The following FRMD4A variants were observed in gnomAD, a reference collection of about 807,000 sequenced individuals.
FRMD4A encodes FERM domain-containing protein 4A.
Under a neutral mutation model 129.1 loss-of-function variants are expected in FRMD4A, and 29 were observed. That is an observed-to-expected ratio of 0.22 (90% confidence interval 0.17 to 0.31). FRMD4A has a LOEUF of 0.31. Among genes scored for constraint, FRMD4A ranks in the 10% least tolerant of loss-of-function variants. FRMD4A has a pLI of 1.00. For missense variants in FRMD4A, 1,272 were observed against 1,375.8 expected (o/e 0.92, Z 1.19); for synonymous variants, 634 against 571.6 (o/e 1.11, Z -1.56).
intron 2 of FRMD4A, among the ~76,000 whole-genome samples, chr10:14,158,188 A>T (rs1263625759): frequency 6.6e-6 from 1 of 152,118 alleles, no homozygotes; most frequent in Non-Finnish European, 1.5e-5. Flanking sequence ...GAATTTGGAG[A>T]AGAAAAATTG....
At chr10:13,732,517 C>T (rs914274277) in intron 12 of FRMD4A, among the ~76,000 whole-genome samples, 4 of 152,170 alleles carry the variant, frequency 2.6e-5, no homozygotes, top group Non-Finnish European at 5.9e-5. Flanking sequence ...AACATGGGCT[C>T]TTCTTGTGTT....
At chr10:14,244,908 G>T (rs1432083633) in intron 2 of FRMD4A, among the ~76,000 whole-genome samples, 2 of 152,168 alleles carry the variant, frequency 1.3e-5, no homozygotes, top group Non-Finnish European at 2.9e-5. Flanking sequence ...TGGCTATAAT[G>T]CTCTTTCTCC....
At chr10:14,248,479 C>T (rs1226673663) in intron 2 of FRMD4A, among the ~76,000 whole-genome samples, 1 of 20,504 alleles carries the variant, frequency 4.9e-5, no homozygotes, top group Non-Finnish European at 3.7e-4. Context: ...TCATTCAATT[C>T]ATTTTTTACA....
chr10:14,080,160 A>T (rs551454502), intron 2 of FRMD4A, among the ~76,000 whole-genome samples: 33 of 152,302 alleles, frequency 2.2e-4, no homozygotes, highest in African/African-American at 7.9e-4. Flanking sequence ...CTGGCAGCAC[A>T]TGAAGCCACA....
intron 18 of FRMD4A, among the ~76,000 whole-genome samples, chr10:13,663,983 A>G (rs552656650): frequency 3.9e-5 from 6 of 152,390 alleles, no homozygotes; most frequent in African/African-American, 1.4e-4. Context: ...TCATTAGTAG[A>G]GAAAACAAGC....
chr10:14,288,441 C>T (rs188733328), intron 2 of FRMD4A, among the ~76,000 whole-genome samples: 61 of 152,134 alleles, frequency 4.0e-4, no homozygotes, highest in African/African-American at 1.3e-3. Flanking sequence ...AGACTTACCA[C>T]GGTCTAAAGA....
chr10:13,971,966 C>T lies in FRMD4A; in HGVS notation c.46-113054G>A, dbSNP rs1045455142. On this transcript the variant is annotated intron_variant, in intron 2 of 24. Transcript: ENST00000357447. ...TGACTCTCCTCCCCCTACCTACCCT[C>T]ACCACCACCCTCACTAATCCTCAGA... 5 of 1,197,044 alleles carry T rather than the reference C, an allele frequency of 4.2e-6. No individual in the cohort carries two copies. The East Asian group carries it at 2.3e-4, about 56-fold the overall frequency. The allele number at this position is 1,197,044 out of a possible 1,614,324, so 74.2% of individuals were successfully genotyped here. A position where few individuals can be genotyped will look rare whatever the true frequency, so the allele number is the denominator to read the frequency against.
chr10:14,221,395 A>T (rs1843255139), intron 2 of FRMD4A, among the ~76,000 whole-genome samples: 1 of 152,166 alleles, frequency 6.6e-6, no homozygotes, highest in Non-Finnish European at 1.5e-5. Context: ...GAATCAAGAA[A>T]ATTCAGCTCA....
rs1409213554 is a variant in FRMD4A at position 14,235,274 on chromosome 10, C to A, written c.45+94784G>T. On this transcript the variant is annotated intron_variant, in intron 2 of 24. Coordinates refer to ENST00000357447, the MANE Select transcript of FRMD4A (RefSeq NM_018027.5). ...ACGCCATTCTCCGGCCTCAGCCTCC[C>A]GAGCAGCTGAGTCCCTGGTGCCCGC... Among the ~76,000 whole-genome samples the A allele has an allele frequency of 1.1e-4, 14 of 129,834 alleles. 2 individuals are homozygous for A. The highest frequency in any genetic ancestry group is 7.9e-4 in the Admixed American group (10 of 12,606). The allele number at this position is 129,834 out of a possible 152,430, so 85.2% of individuals were successfully genotyped here.
At chr10:13,667,738 A>G (rs2083175899) in intron 17 of FRMD4A, 1 of 152,224 alleles carries the variant, frequency 6.6e-6, no homozygotes, top group African/African-American at 2.4e-5. Context: ...CTAGCTCTAA[A>G]CAGCACCTTG....
At chr10:13,811,290 CTTT>C (rs1251736240) in intron 3 of FRMD4A, among the ~76,000 whole-genome samples, 8 of 126,338 alleles carry the variant, frequency 6.3e-5, no homozygotes, top group Non-Finnish European at 8.6e-5. Context: ...CCACGCATGG[CTTT>C]TTTTTTTTTT....
At chr10:13,795,790 C>T (rs1031470350) in intron 5 of FRMD4A, among the ~76,000 whole-genome samples, 1 of 152,192 alleles carries the variant, frequency 6.6e-6, no homozygotes, top group Non-Finnish European at 1.5e-5. Context: ...GACTTTGCCC[C>T]TGAACCCCTG....
chr10:13,826,868 A>C (rs2093708551), intron 3 of FRMD4A, among the ~76,000 whole-genome samples: 1 of 152,212 alleles, frequency 6.6e-6, no homozygotes, highest in East Asian at 1.9e-4. Flanking sequence ...GCAAGGATGT[A>C]AAAGCCACAC....
intron 6 of FRMD4A, among the ~76,000 whole-genome samples, chr10:13,780,380 G>T (rs79364567): frequency 2.0e-5 from 3 of 151,672 alleles, no homozygotes; most frequent in Non-Finnish European, 4.4e-5. Flanking sequence ...GTGATATTCC[G>T]CAAGTCCATC....
intron 2 of FRMD4A, chr10:14,008,235 C>A (rs140416769): frequency 8.2e-6 from 9 of 1,095,240 alleles, no homozygotes; most frequent in Non-Finnish European, 1.0e-5. Flanking sequence ...AGAGAAGGAG[C>A]CTCCCTCAAA....
chr10:13,911,664 C>T (rs1213867402), intron 2 of FRMD4A, among the ~76,000 whole-genome samples: 13 of 152,152 alleles, frequency 8.5e-5, no homozygotes, highest in Non-Finnish European at 1.3e-4. Flanking sequence ...CGGGTTCAAG[C>T]GATTCTCATG....
At chr10:13,795,243 T>C (rs971244870) in intron 5 of FRMD4A, among the ~76,000 whole-genome samples, 1 of 152,234 alleles carries the variant, frequency 6.6e-6, no homozygotes, top group Non-Finnish European at 1.5e-5. Context: ...TTTATATGGT[T>C]GCTTTGCCAT....
intron 2 of FRMD4A, among the ~76,000 whole-genome samples, chr10:14,099,032 C>T (rs1837159277): frequency 2.0e-5 from 3 of 152,206 alleles, no homozygotes; most frequent in Admixed American, 2.0e-4. Context: ...AGGAGCACTC[C>T]ACTTAGCACA....
intron 2 of FRMD4A, among the ~76,000 whole-genome samples, chr10:14,281,371 C>T (rs1164899217): frequency 1.3e-5 from 2 of 152,230 alleles, no homozygotes; most frequent in African/African-American, 4.8e-5. Context: ...GGAAGACAGC[C>T]ATCAATTGGG....
Sources: gnomAD v4.1 joint callset for allele counts (sites outside exome capture counted in the v4.1 genomes callset) on GRCh38, gnomAD v4.1.1 for gene constraint, MANE v1.5 for transcripts, NCBI Gene and HGNC (gene_info 2026-07-23, HGNC 2026-07-21) for gene names.